The following SAMMSON variants were observed in gnomAD, a reference collection of about 807,000 sequenced individuals.
SAMMSON encodes the protein long intergenic non-protein coding RNA 1212.
chr3:70,379,054 C>T (rs1021949299), intron 9 of SAMMSON, among the ~76,000 whole-genome samples: 16 of 150,172 alleles, frequency 1.1e-4, no homozygotes, highest in African/African-American at 3.9e-4. Context: ...CACTCTGTCG[C>T]CCAGGCTGGA....
chr3:70,381,833 A>G (rs1394123728), intron 9 of SAMMSON, among the ~76,000 whole-genome samples: 1 of 152,180 alleles, frequency 6.6e-6, no homozygotes, highest in Non-Finnish European at 1.5e-5. Context: ...AAGGAGATTT[A>G]AAAGACATCA....
intron 3 of SAMMSON, among the ~76,000 whole-genome samples, chr3:70,021,624 T>G (rs2067013601): frequency 6.6e-6 from 1 of 152,180 alleles, no homozygotes; most frequent in Non-Finnish European, 1.5e-5. Context: ...AGGATCCAAA[T>G]CATTTTCAGT....
chr3:70,365,165 G>T (rs1041262396), intron 9 of SAMMSON, among the ~76,000 whole-genome samples: 1 of 151,446 alleles, frequency 6.6e-6, no homozygotes, highest in African/African-American at 2.4e-5. Context: ...TTACTTTCTG[G>T]CATCATAAAA....
chr3:70,060,956 G>C (rs186923121), intron 3 of SAMMSON, among the ~76,000 whole-genome samples: 54 of 152,184 alleles, frequency 3.5e-4, no homozygotes, highest in African/African-American at 1.3e-3. Flanking sequence ...GAGTGAGTGG[G>C]AGTGGAAAAT....
intron 4 of SAMMSON, among the ~76,000 whole-genome samples, chr3:70,148,814 G>C (rs1457243210): frequency 2.0e-5 from 3 of 151,972 alleles, no homozygotes; most frequent in Non-Finnish European, 1.5e-5. Flanking sequence ...TCCAACACTG[G>C]GGATCAAATT....
At chr3:70,091,394 A>T (rs910599175) in intron 4 of SAMMSON, among the ~76,000 whole-genome samples, 8 of 152,082 alleles carry the variant, frequency 5.3e-5, no homozygotes, top group African/African-American at 1.9e-4. Flanking sequence ...GGTTGGTGGG[A>T]TTTGTGTGGT....
intron 3 of SAMMSON, among the ~76,000 whole-genome samples, chr3:70,043,155 G>A (rs1184820555): frequency 6.6e-6 from 1 of 152,070 alleles, no homozygotes; most frequent in Admixed American, 6.6e-5. Context: ...GGCTGTTTGA[G>A]ATTCCCATTT....
At chr3:69,999,654 T>A (rs2066897572), upstream of SAMMSON, 1 of 152,124 alleles carries the variant, frequency 6.6e-6, no homozygotes, top group Admixed American at 6.6e-5. Context: ...CCCGCCCAAA[T>A]GTTGTATTTT....
chr3:70,118,863 T>C (rs751232763), intron 4 of SAMMSON, among the ~76,000 whole-genome samples: 3 of 152,184 alleles, frequency 2.0e-5, no homozygotes, highest in African/African-American at 2.4e-5. Flanking sequence ...AGCTAAGATG[T>C]GAAGCCTCAA....
intron 6 of SAMMSON, among the ~76,000 whole-genome samples, chr3:70,289,850 A>T (rs1346547583): frequency 6.6e-6 from 1 of 151,966 alleles, no homozygotes; most frequent in Non-Finnish European, 1.5e-5. Context: ...AGTTGATTGC[A>T]TCGGCTCCTG....
chr3:70,269,074 GT>G (rs1458498951), intron 6 of SAMMSON, among the ~76,000 whole-genome samples: 2 of 151,956 alleles, frequency 1.3e-5, no homozygotes, highest in Non-Finnish European at 2.9e-5. Context: ...CCTGTCAAAA[GT>G]TAAAAAATAT....
chr3:70,303,831 G>A (rs951941325), intron 7 of SAMMSON, among the ~76,000 whole-genome samples: 33 of 152,136 alleles, frequency 2.2e-4, no homozygotes, highest in Non-Finnish European at 4.1e-4. Flanking sequence ...ACAGGCATGT[G>A]CCACCATGCC....
intron 4 of SAMMSON, chr3:70,072,717 A>G (rs1471582444): frequency 6.6e-6 from 1 of 151,804 alleles, no homozygotes. Flanking sequence ...TGTTTGATGA[A>G]GCTCAAGCAA....
chr3:70,310,104 T>C (rs1702441352), intron 7 of SAMMSON, among the ~76,000 whole-genome samples: 1 of 152,270 alleles, frequency 6.6e-6, no homozygotes, highest in East Asian at 1.9e-4. Context: ...CTTTGATGCA[T>C]GTTCTACTTT....
At chr3:70,032,767 C>T (rs777627514) in intron 3 of SAMMSON, among the ~76,000 whole-genome samples, 2 of 152,160 alleles carry the variant, frequency 1.3e-5, no homozygotes, top group African/African-American at 2.4e-5. Flanking sequence ...GTTCAGAGCC[C>T]AGTGCAGGGA....
At chr3:70,401,862 A>G (rs1368390723) in intron 2 of SAMMSON, among the ~76,000 whole-genome samples, 1 of 152,218 alleles carries the variant, frequency 6.6e-6, no homozygotes, top group Non-Finnish European at 1.5e-5. Flanking sequence ...TGAAAAAGTC[A>G]TGAGCAAACA....
chr3:70,099,732 A>C (rs1320895437), intron 4 of SAMMSON, among the ~76,000 whole-genome samples: 1 of 152,186 alleles, frequency 6.6e-6, no homozygotes, highest in Non-Finnish European at 1.5e-5. Flanking sequence ...AAGTTTTGGC[A>C]AATACGTCTC....
intron 7 of SAMMSON, among the ~76,000 whole-genome samples, chr3:70,314,108 T>G (rs1351622314): frequency 6.6e-6 from 1 of 152,276 alleles, no homozygotes; most frequent in African/African-American, 2.4e-5. Context: ...ACTTTTGATA[T>G]GATCAGTCTC....
intron 3 of SAMMSON, among the ~76,000 whole-genome samples, chr3:70,036,719 G>A (rs1205244469): frequency 6.6e-6 from 1 of 152,002 alleles, no homozygotes; most frequent in African/African-American, 2.4e-5. Context: ...AGCAAAGATA[G>A]GGTGAATTGC....
Sources: gnomAD v4.1 joint callset for allele counts (sites outside exome capture counted in the v4.1 genomes callset) on GRCh38, gnomAD v4.1.1 for gene constraint, MANE v1.5 for transcripts, NCBI Gene and HGNC (gene_info 2026-07-23, HGNC 2026-07-21) for gene names.